PDIA4: variants seen among roughly 807,000 people sequenced by gnomAD.
PDIA4 encodes protein disulfide-isomerase A4.
A neutral mutation model predicts 62.1 loss-of-function variants in PDIA4; 33 were observed. The observed-to-expected ratio is 0.53, with a 90% CI of 0.40 to 0.71. The LOEUF is 0.71. Among genes scored for constraint, PDIA4 ranks in the 30% least tolerant of loss-of-function variants. The pLI, the probability that PDIA4 is intolerant of heterozygous loss-of-function variation, is 0.00. For missense variants in PDIA4, 804 were observed against 813.6 expected (o/e 0.99, Z 0.14); for synonymous variants, 341 against 324.1 (o/e 1.05, Z -0.56).
intron 1 of PDIA4, among the ~76,000 whole-genome samples, chr7:149,022,226 C>T (rs916486514): frequency 2.6e-5 from 4 of 151,984 alleles, no homozygotes; most frequent in African/African-American, 9.7e-5. Context: ...GGGAAGAGGG[C>T]GGGAAATCTC....
At position 149,008,792 on chromosome 7, in the gene PDIA4, T is replaced by TG. The variant is rs1823846422; in HGVS notation, c.980-483dup. ...GGACAATTCCTATAACTTAAACACTTGAAAGGAGGTTCGTTTTTAAAAACT... is the reference window on the plus strand; with the variant it reads ...GGACAATTCCTATAACTTAAACACTTGGAAAGGAGGTTCGTTTTTAAAAACT... On this transcript the variant is annotated intron_variant, in intron 6 of 9. Coordinates refer to ENST00000652332, the MANE Select transcript of PDIA4 (RefSeq NM_004911.5). 1.3e-5 allele frequency among the ~76,000 whole-genome samples: 2 copies of TG among 151,708 alleles called. 1 individual carries two copies. The highest frequency in any genetic ancestry group is 4.2e-4 in the South Asian group (2 of 4,810).
At position 149,003,689 on chromosome 7, in the gene PDIA4, A is replaced by G. The variant is rs74945904; in HGVS notation, c.*105T>C. 4.2e-6 allele frequency: 3 copies of G among 709,686 alleles called. No homozygotes were observed. Among genetic ancestry groups the G allele is most frequent in the East Asian group, 5.9e-5 (2 of 33,750 alleles). 44.0% of individuals were successfully genotyped at this position (709,686 alleles called of 1,614,324 possible). On this transcript the variant is annotated 3_prime_UTR_variant, in exon 10 of 10. Transcript: ENST00000652332. Reference sequence around the variant, plus strand: ...TATAAAAAATTAAAAAAAAAAAAAAAGGAATCCGAGATACTGTCGTTTGTT... The same window carrying G: ...TATAAAAAATTAAAAAAAAAAAAAAGGGAATCCGAGATACTGTCGTTTGTT...
intron 1 of PDIA4, 34 bp downstream of exon 1, chr7:149,028,287 G>T (rs1400822025): frequency 2.7e-6 from 4 of 1,476,864 alleles, no homozygotes; most frequent in African/African-American, 2.9e-5. Context: ...GCCCCCGCAA[G>T]CACAGCCCGA....
chr7:149,019,462 G>C (rs1432490452), intron 2 of PDIA4, among the ~76,000 whole-genome samples: 2 of 152,180 alleles, frequency 1.3e-5, no homozygotes, highest in Non-Finnish European at 2.9e-5. Flanking sequence ...GCTCACACCT[G>C]TAATCCCAGC....
rs200088589 is a variant in PDIA4, at chr7:149,019,181, G to C, written c.286C>G (p.Gln96Glu). 1.2e-6 allele frequency: 2 copies of C among 1,612,626 alleles called. No homozygotes were observed. Among genetic ancestry groups the C allele is most frequent in the Non-Finnish European group, 8.5e-7 (1 of 1,178,680 alleles). ...ATTTTTTCATATTCCGGAGCAAACT[G>C]CTTGCAATGTCCACACCTAACAATT... is the stretch of plus-strand genomic sequence containing the variant. Reference protein sequence around the residue: ...FYAPWCGHCKQFAPEYEKIAN... With the variant: ...FYAPWCGHCKEFAPEYEKIAN... Residue 96 changes from glutamine (Q) to glutamate (E), a missense_variant, in exon 3 of 10, where the codon CAG becomes GAG. By Grantham distance (29) the Gln-to-Glu change is conservative (BLOSUM62 2). Transcript: ENST00000652332.
At position 149,021,038 on chromosome 7, in the gene PDIA4, G is replaced by C; in HGVS notation, c.198C>G (p.Val66=). 1 of 1,614,108 alleles carries C rather than the reference G, an allele frequency of 6.2e-7. No homozygotes were observed. The highest frequency in any genetic ancestry group is 1.1e-5 in the South Asian group (1 of 91,070). The change falls in exon 2 of 10, where the codon GTC becomes GTG. Residue 66 remains valine, a synonymous_variant. Coordinates refer to ENST00000652332, the MANE Select transcript of PDIA4 (RefSeq NM_004911.5). ...LEVKEENGVL[V]LNDANFDNFV... ...AATTATCAAAGTTTGCATCATTTAG[G>C]ACCAAGACTCCATTTTCTTCCTTAA...
At chr7:149,028,020 G>T in intron 1 of PDIA4, 1 of 598,402 alleles carries the variant, frequency 1.7e-6, no homozygotes, top group South Asian at 1.5e-5. Flanking sequence ...GGACCCAGCT[G>T]CAAAAAAGGC....
intron 6 of PDIA4, 62 bp from the exon 7 acceptor site, chr7:149,008,372 C>T (rs756377756): frequency 2.4e-5 from 37 of 1,515,800 alleles, no homozygotes; most frequent in Middle Eastern, 1.7e-4. Context: ...AGATTTAATT[C>T]GTTACCCACA....
intron 7 of PDIA4, among the ~76,000 whole-genome samples, chr7:149,007,002 G>A (rs1276120028): frequency 6.6e-6 from 1 of 152,154 alleles, no homozygotes; most frequent in Non-Finnish European, 1.5e-5. Flanking sequence ...CCGATTCTCG[G>A]GATCAATGGC....
intron 7 of PDIA4, among the ~76,000 whole-genome samples, chr7:149,007,784 GACTTGGCCTCAACGGAGC>G (rs1563119610): frequency 1.3e-5 from 2 of 152,258 alleles, no homozygotes; most frequent in African/African-American, 4.8e-5. Context: ...GAACAAACAC[GACTTGGCCTCAACGGAGC>G]ACCATGTGCT....
chr7:149,005,029 T>C (rs1823692598), intron 9 of PDIA4, 112 bp downstream of exon 9: 1 of 795,994 alleles, frequency 1.3e-6, no homozygotes, highest in East Asian at 2.4e-5. Flanking sequence ...GCTGGCTGAC[T>C]TAAGGGGGTG....
intron 1 of PDIA4, chr7:149,027,888 G>A (rs995282391): frequency 4.0e-5 from 19 of 478,904 alleles, no homozygotes; most frequent in Non-Finnish European, 7.3e-5. Context: ...CAAAGAACTC[G>A]CACTTGTTTC....
chr7:149,018,752 C>T (rs537390014), intron 3 of PDIA4, among the ~76,000 whole-genome samples: 1 of 151,930 alleles, frequency 6.6e-6, no homozygotes, highest in Non-Finnish European at 1.5e-5. Flanking sequence ...CACTCCTGCC[C>T]ATGTTTTGAG....
intron 1 of PDIA4, 29 bp downstream of exon 1, chr7:149,028,292 G>A (rs1401884068): frequency 4.0e-6 from 6 of 1,490,880 alleles, no homozygotes. Context: ...CGCAAGCACA[G>A]CCCGACCCGC....
At chr7:149,010,046 G>A (rs1823893166) in intron 6 of PDIA4, among the ~76,000 whole-genome samples, 1 of 152,174 alleles carries the variant, frequency 6.6e-6, no homozygotes, top group African/African-American at 2.4e-5. Flanking sequence ...AGGGGATGGG[G>A]GGGCAGCCTG....
At chr7:149,005,572 T>G (rs1823725919) in intron 8 of PDIA4, among the ~76,000 whole-genome samples, 198 bp from the exon 9 acceptor site, 1 of 152,186 alleles carries the variant, frequency 6.6e-6, no homozygotes, top group South Asian at 2.1e-4. Flanking sequence ...AACAGGCCCT[T>G]AAGACCTGTG....
chr7:149,006,299 T>C, intron 7 of PDIA4: 1 of 444,830 alleles, frequency 2.2e-6, no homozygotes, highest in Non-Finnish European at 3.9e-6. Flanking sequence ...GGCCCTTTCC[T>C]TGGGGGTGTA....
intron 1 of PDIA4, among the ~76,000 whole-genome samples, chr7:149,024,252 A>G (rs1327058848): frequency 6.6e-6 from 1 of 152,180 alleles, no homozygotes; most frequent in Non-Finnish European, 1.5e-5. Context: ...CAACAACAAA[A>G]AAGAATCCCA....
rs200045935 is a variant in PDIA4 at position 149,005,197 on chromosome 7, T to C, written c.1466A>G (p.Glu489Gly). Residue 489 changes from glutamate to glycine, a missense_variant, in exon 9 of 10, where the codon GAG becomes GGG. By Grantham distance (98) the Glu-to-Gly change is moderately conservative. Coordinates refer to ENST00000652332, the MANE Select transcript of PDIA4 (RefSeq NM_004911.5). ...LDESGKKFAM[E>G]PEEFDSDTLR... ...GGTGTCAGAGTCAAACTCCTCTGGCTCCATGGCGAACTTCTTCCCACTCTC... is the reference window on the plus strand; with the variant it reads ...GGTGTCAGAGTCAAACTCCTCTGGCCCCATGGCGAACTTCTTCCCACTCTC... 6.2e-7 allele frequency: 1 copy of C among 1,614,070 alleles called. No individual in the cohort carries two copies. The highest frequency in any genetic ancestry group is 8.5e-7 in the Non-Finnish European group (1 of 1,179,994).
Sources: allele counts gnomAD v4.1 joint callset (sites outside exome capture counted in the v4.1 genomes callset), GRCh38; gene constraint gnomAD v4.1.1; transcripts MANE v1.5; gene names NCBI Gene and HGNC (gene_info 2026-07-23, HGNC 2026-07-21).